The following POU2F1 variants were observed in gnomAD, a reference collection of about 807,000 sequenced individuals.
The protein encoded by POU2F1 is POU domain, class 2, transcription factor 1.
POU2F1 carries 16 observed loss-of-function variants against 84.9 expected under a neutral mutation model. That is an observed-to-expected ratio of 0.19 (90% CI 0.13 to 0.29). POU2F1 has a LOEUF of 0.29. Among genes scored for constraint, POU2F1 ranks in the 10% least tolerant of loss-of-function variants. The pLI, the probability that POU2F1 is intolerant of heterozygous loss-of-function variation, is 1.00. For synonymous variants in POU2F1, 368 were observed against 368.3 expected (o/e 1.00, Z 0.01); for missense variants, 738 against 942.6 (o/e 0.78, Z 2.84).
chr1:167,375,943 G>T, intron 6 of POU2F1, 86 bp from the exon 7 acceptor site: 1 of 1,471,730 alleles, frequency 6.8e-7, no homozygotes, highest in South Asian at 1.2e-5. Flanking sequence ...ATTTGGATGT[G>T]ACAGAAGTCA....
Position 167,274,986 on chromosome 1 carries a change from A to G in POU2F1, c.61+54028A>G, listed in dbSNP as rs140835388. On this transcript the variant is annotated intron_variant, in intron 1 of 15. Coordinates refer to ENST00000367866, the MANE Select transcript of POU2F1 (RefSeq NM_002697.4). The stretch of plus-strand genomic sequence containing the variant: ...TGAGATTTGCAGTGAATGAATTGCA[A>G]CTGATGAACTCTGGGGCTGCTAATC... Among the ~76,000 whole-genome samples the G allele has an allele frequency of 2.2e-3, 335 of 151,534 alleles. 3 individuals carry two copies. Among genetic ancestry groups the G allele is most frequent in the South Asian group, 0.02 (97 of 4,800 alleles).
At chr1:167,354,033 A>T (rs1168680794) in intron 2 of POU2F1, among the ~76,000 whole-genome samples, 1 of 152,164 alleles carries the variant, frequency 6.6e-6, no homozygotes, top group Admixed American at 6.5e-5. Context: ...TGTACCATGG[A>T]TATTTTATTA....
Position 167,279,143 on chromosome 1 carries a change from A to T in POU2F1, c.62-53327A>T, listed in dbSNP as rs113742544. On this transcript the variant is annotated intron_variant, in intron 1 of 15. Transcript: ENST00000367866. ...TGATAATGTTAAATGAACACACATT[A>T]TGTGTAGAATATGCAGAATCATGGG... Among the ~76,000 whole-genome samples the T allele has an allele frequency of 2.2e-3, 336 of 152,360 alleles. 1 individual carries two copies. Among genetic ancestry groups the T allele is most frequent in the Non-Finnish European group, 4.0e-3 (270 of 68,034 alleles).
chr1:167,263,677 G>A (rs1410858188), intron 1 of POU2F1, among the ~76,000 whole-genome samples: 2 of 152,200 alleles, frequency 1.3e-5, no homozygotes, highest in African/African-American at 4.8e-5. Context: ...TCTCCATTTG[G>A]CTGCTGAATA....
chr1:167,414,456 T>C, intron 15 of POU2F1: 1 of 985,476 alleles, frequency 1.0e-6, no homozygotes, highest in Non-Finnish European at 1.2e-6. Context: ...TCCCTTCAGC[T>C]ATATTTTATG....
rs149567753 is a variant in POU2F1, at chr1:167,328,799, G to T, written c.62-3671G>T. Among the ~76,000 whole-genome samples the T allele has an allele frequency of 9.4e-3, 1,437 of 152,206 alleles. 19 individuals carry two copies. The highest frequency in any genetic ancestry group is 0.03 in the African/African-American group (1,254 of 41,516). On this transcript the variant is annotated intron_variant, in intron 1 of 15. Coordinates refer to ENST00000367866, the MANE Select transcript of POU2F1 (RefSeq NM_002697.4). The stretch of plus-strand genomic sequence containing the variant: ...ATAGCCTGATAAATATTTATGCAAC[G>T]ATTTAAATTATGCAGGGAGTGCTTT...
chr1:167,314,780 A>C (rs1216399860), intron 1 of POU2F1, among the ~76,000 whole-genome samples: 3 of 152,150 alleles, frequency 2.0e-5, no homozygotes, highest in Non-Finnish European at 4.4e-5. Context: ...ATCTCCAAAA[A>C]ACAACAGCGA....
At position 167,415,792 on chromosome 1, in the gene POU2F1, C is replaced by G; in HGVS notation, c.2283C>G (p.Thr761=). The G allele has an allele frequency of 6.2e-7, 1 of 1,613,958 alleles. No homozygotes were observed. Among genetic ancestry groups the G allele is most frequent in the Non-Finnish European group, 8.5e-7 (1 of 1,179,930 alleles). Residue 761 remains threonine (T), a synonymous_variant, in exon 16 of 16, where the codon ACC becomes ACG. Transcript: ENST00000367866. ...SASGAASTTT[T]ASKAQ ...GCGGGGCTGCGTCCACCACCACCACCGCCTCCAAGGCACAGTGAGCTGGGC... is the reference window on the plus strand; with the variant it reads ...GCGGGGCTGCGTCCACCACCACCACGGCCTCCAAGGCACAGTGAGCTGGGC...
intron 1 of POU2F1, among the ~76,000 whole-genome samples, chr1:167,240,926 T>A (rs1326662476): frequency 5.3e-5 from 8 of 152,142 alleles, no homozygotes; most frequent in African/African-American, 1.9e-4. Context: ...GCGGATTACC[T>A]GAGGTTGGGA....
chr1:167,398,551 G>C (rs573108400), intron 11 of POU2F1, among the ~76,000 whole-genome samples: 3 of 152,326 alleles, frequency 2.0e-5, no homozygotes, highest in African/African-American at 7.2e-5. Context: ...TGTAGTGTCT[G>C]TATGCCTGGA....
chr1:167,318,281 C>G (rs965856779), intron 1 of POU2F1, among the ~76,000 whole-genome samples: 1 of 152,118 alleles, frequency 6.6e-6, no homozygotes, highest in Non-Finnish European at 1.5e-5. Context: ...GCCACTAGAC[C>G]GCCATGTTTT....
intron 1 of POU2F1, 91 bp downstream of exon 1, chr1:167,221,049 T>A: frequency 8.8e-7 from 1 of 1,137,874 alleles, no homozygotes; most frequent in Non-Finnish European, 1.3e-6. Context: ...TTATTAGTAC[T>A]CAGGATTATT....
intron 1 of POU2F1, among the ~76,000 whole-genome samples, chr1:167,293,708 T>C (rs982944483): frequency 6.6e-6 from 1 of 152,186 alleles, no homozygotes; most frequent in East Asian, 1.9e-4. Context: ...TTTCCAGTTA[T>C]ACTACAAGGC....
At position 167,399,384 on chromosome 1, in the gene POU2F1, G is replaced by A; in HGVS notation, c.1449+19G>A. 1.3e-6 allele frequency: 2 copies of A among 1,593,254 alleles called. No homozygotes were observed. Among genetic ancestry groups the A allele is most frequent in the Non-Finnish European group, 1.7e-6 (2 of 1,168,276 alleles). Reference sequence around the variant, plus strand: ...TTCACTGGTAAGAATAAAAAATAGGGAGTGCAAGCTCAAGGGCTAATTTTT... The same window carrying A: ...TTCACTGGTAAGAATAAAAAATAGGAAGTGCAAGCTCAAGGGCTAATTTTT... On this transcript the variant is annotated intron_variant, in intron 12 of 15. Coordinates refer to ENST00000367866, the MANE Select transcript of POU2F1 (RefSeq NM_002697.4).
At chr1:167,399,062 A>G (rs1445835824) in intron 11 of POU2F1, 124 bp from the exon 12 acceptor site, 2 of 767,764 alleles carry the variant, frequency 2.6e-6, no homozygotes, top group Non-Finnish European at 4.0e-6. Context: ...CTTTGTTGAA[A>G]GTGGCCTAAT....
intron 12 of POU2F1, among the ~76,000 whole-genome samples, chr1:167,401,240 G>A (rs1330170328): frequency 2.0e-5 from 3 of 152,022 alleles, no homozygotes; most frequent in African/African-American, 4.8e-5. Flanking sequence ...CTGTCTCAAC[G>A]CTATTGAAAT....
chr1:167,297,372 A>G (rs530789537), intron 1 of POU2F1, among the ~76,000 whole-genome samples: 2 of 152,332 alleles, frequency 1.3e-5, no homozygotes, highest in South Asian at 2.1e-4. Context: ...TTCAAGGACA[A>G]TAGGGCAGGG....
intron 7 of POU2F1, 70 bp downstream of exon 7, chr1:167,376,225 T>A: frequency 6.8e-7 from 1 of 1,470,964 alleles, no homozygotes; most frequent in Non-Finnish European, 9.1e-7. Context: ...ATGCATGAAC[T>A]ACTATCATTT....
intron 1 of POU2F1, among the ~76,000 whole-genome samples, chr1:167,282,319 AT>A (rs1477903643): frequency 2.0e-5 from 3 of 151,292 alleles, no homozygotes; most frequent in Non-Finnish European, 4.4e-5. Flanking sequence ...AATTTTTTGT[AT>A]TTTTTAGTAG....
Sources: gnomAD v4.1 joint callset for allele counts (sites outside exome capture counted in the v4.1 genomes callset) on GRCh38, gnomAD v4.1.1 for gene constraint, MANE v1.5 for transcripts, NCBI Gene and HGNC (gene_info 2026-07-23, HGNC 2026-07-21) for gene names.